The following CACNB2 variants were observed in gnomAD, a reference collection of about 807,000 sequenced individuals.
The protein encoded by CACNB2 is calcium voltage-gated channel auxiliary subunit beta 2.
A neutral mutation model predicts 73.3 loss-of-function variants in CACNB2; 42 were observed. The ratio of observed to expected loss-of-function variants is 0.57; its 90% CI spans 0.45 to 0.74. The LOEUF (loss-of-function observed/expected upper bound fraction) is 0.74. Among genes scored for constraint, CACNB2 ranks in the 30% least tolerant of loss-of-function variants. The pLI, the probability that CACNB2 is intolerant of heterozygous loss-of-function variation, is 0.00. For synonymous variants in CACNB2, 348 were observed against 310.3 expected, an observed-to-expected ratio of 1.12 and a Z score of -1.28; for missense variants, 940 against 853.0, an observed-to-expected ratio of 1.10 and a Z score of -1.27.
At chr10:18,203,293 C>G (rs916894241) in intron 2 of CACNB2, among the ~76,000 whole-genome samples, 11 of 152,138 alleles carry the variant, frequency 7.2e-5, no homozygotes, top group Non-Finnish European at 1.3e-4. Flanking sequence ...TGCAGCATGG[C>G]AACTTTACAA....
At chr10:18,356,976 G>T (rs377425245) in intron 2 of CACNB2, among the ~76,000 whole-genome samples, 2 of 106,744 alleles carry the variant, frequency 1.9e-5, no homozygotes, top group African/African-American at 7.0e-5. Context: ...ACGGAGTTTC[G>T]CTCTGTCGCC....
intron 3 of CACNB2, among the ~76,000 whole-genome samples, chr10:18,455,177 T>C (rs1181293641): frequency 1.3e-5 from 2 of 152,210 alleles, no homozygotes; most frequent in Non-Finnish European, 2.9e-5. Flanking sequence ...GAGGAACTTA[T>C]ATTTTTAGGA....
chr10:18,150,748 C>G (rs1372793873), intron 1 of CACNB2, 135 bp from the exon 2 acceptor site: 2 of 610,844 alleles, frequency 3.3e-6, no homozygotes, highest in African/African-American at 3.7e-5. Flanking sequence ...TATTAACTTT[C>G]TAATGATGCT....
Position 18,170,215 on chromosome 10 carries a change from C to T in CACNB2, c.213+19240C>T, listed in dbSNP as rs573669778. On this transcript the variant is annotated intron_variant, in intron 2 of 13. Transcript: ENST00000324631. Reference sequence around the variant, plus strand: ...AAGGCTAAGAATGAGGAGGGGTGTTCCTTCTCAGAGGGCTATTTCTGGAGG... The same window carrying T: ...AAGGCTAAGAATGAGGAGGGGTGTTTCTTCTCAGAGGGCTATTTCTGGAGG... 2.0e-5 allele frequency among the ~76,000 whole-genome samples: 3 copies of T among 152,252 alleles called. No individual in the cohort carries two copies. In the South Asian group the frequency reaches 6.2e-4, roughly 32 times the overall value.
At chr10:18,375,674 A>T (rs770024604) in intron 2 of CACNB2, among the ~76,000 whole-genome samples, 7 of 152,198 alleles carry the variant, frequency 4.6e-5, no homozygotes, top group Non-Finnish European at 1.0e-4. Flanking sequence ...ATCTCTGATA[A>T]TCGTAGGCCT....
At chr10:18,180,664 CTCAG>C (rs998025877) in intron 2 of CACNB2, among the ~76,000 whole-genome samples, 1 of 152,014 alleles carries the variant, frequency 6.6e-6, no homozygotes, top group African/African-American at 2.4e-5. Flanking sequence ...ATCCTGAAAA[CTCAG>C]TCAAAGAAAT....
chr10:18,225,387 A>C (rs1167194067), intron 2 of CACNB2, among the ~76,000 whole-genome samples: 1 of 152,144 alleles, frequency 6.6e-6, no homozygotes, highest in Non-Finnish European at 1.5e-5. Flanking sequence ...TTCATGATAA[A>C]TATTAGATGC....
At chr10:18,498,724 A>T (rs2049990738) in intron 4 of CACNB2, 5 of 488,868 alleles carry the variant, frequency 1.0e-5, no homozygotes, top group Non-Finnish European at 1.5e-5. Flanking sequence ...AGAAATTGGG[A>T]ACTGCTAGAG....
chr10:18,415,981 C>T (rs1006061605), intron 3 of CACNB2, among the ~76,000 whole-genome samples: 1 of 151,938 alleles, frequency 6.6e-6, no homozygotes, highest in African/African-American at 2.4e-5. Context: ...ACATTTTTTA[C>T]AGGTATATAA....
chr10:18,273,177 C>T (rs577482634), intron 2 of CACNB2, among the ~76,000 whole-genome samples: 1 of 152,148 alleles, frequency 6.6e-6, no homozygotes, highest in Non-Finnish European at 1.5e-5. Context: ...TGAGTCAGCT[C>T]ACCTCAAGTC....
intron 2 of CACNB2, among the ~76,000 whole-genome samples, chr10:18,234,666 CA>C (rs1196067689): frequency 6.6e-6 from 1 of 152,026 alleles, no homozygotes; most frequent in Non-Finnish European, 1.5e-5. Context: ...GTAGAGAAGA[CA>C]AATACGTAGA....
At chr10:18,309,851 G>T (rs1191889781) in intron 2 of CACNB2, among the ~76,000 whole-genome samples, 2 of 152,162 alleles carry the variant, frequency 1.3e-5, no homozygotes, top group Non-Finnish European at 2.9e-5. Context: ...GAAGGTGTGT[G>T]TTTTCAAACC....
At chr10:18,256,083 A>G (rs1335967911) in intron 2 of CACNB2, among the ~76,000 whole-genome samples, 1 of 152,138 alleles carries the variant, frequency 6.6e-6, no homozygotes, top group African/African-American at 2.4e-5. Flanking sequence ...TCTTCCATCG[A>G]TATTATCTAC....
intron 2 of CACNB2, among the ~76,000 whole-genome samples, chr10:18,385,543 C>T (rs2043194625): frequency 1.3e-5 from 2 of 148,782 alleles, no homozygotes; most frequent in Non-Finnish European, 3.0e-5. Context: ...AGGAGAATCG[C>T]TTGAACTCAG....
intron 2 of CACNB2, among the ~76,000 whole-genome samples, chr10:18,202,324 A>G (rs527532826): frequency 3.9e-5 from 6 of 152,322 alleles, no homozygotes; most frequent in African/African-American, 1.4e-4. Context: ...ATCCTCGGTT[A>G]CACAGATCGA....
At chr10:18,392,732 C>A (rs1362445758) in intron 2 of CACNB2, among the ~76,000 whole-genome samples, 1 of 152,052 alleles carries the variant, frequency 6.6e-6, no homozygotes, top group Non-Finnish European at 1.5e-5. Context: ...AATTTCTAGA[C>A]CAAAAATTCC....
chr10:18,231,884 A>G (rs1015861636), intron 2 of CACNB2, among the ~76,000 whole-genome samples: 10 of 152,216 alleles, frequency 6.6e-5, no homozygotes, highest in Non-Finnish European at 1.3e-4. Flanking sequence ...AGCAACAAGA[A>G]GTATTTCTTT....
At chr10:18,266,717 C>T (rs575805776) in intron 2 of CACNB2, among the ~76,000 whole-genome samples, 18 of 152,152 alleles carry the variant, frequency 1.2e-4, no homozygotes, top group African/African-American at 3.9e-4. Context: ...GGTGAAACCT[C>T]GTCTCTACTA....
intron 2 of CACNB2, among the ~76,000 whole-genome samples, chr10:18,157,038 G>A (rs1398292886): frequency 4.0e-5 from 6 of 149,826 alleles, no homozygotes; most frequent in Non-Finnish European, 5.9e-5. Context: ...CTCCTGCCTG[G>A]GCAACAAGAA....
Sources: allele counts gnomAD v4.1 joint callset (sites outside exome capture counted in the v4.1 genomes callset), GRCh38; gene constraint gnomAD v4.1.1; transcripts MANE v1.5; gene names NCBI Gene and HGNC (gene_info 2026-07-23, HGNC 2026-07-21).